TPSG1: variants seen among roughly 807,000 people sequenced by gnomAD.
The protein encoded by TPSG1 is tryptase gamma.
In TPSG1, 43 loss-of-function variants were observed where a neutral mutation model predicts 23.8. That is an observed-to-expected ratio of 1.81 (90% confidence interval 1.42 to 2.33). The LOEUF (loss-of-function observed/expected upper bound fraction) is 2.33. Ranked by LOEUF, TPSG1 falls within the 30% of genes most tolerant of loss-of-function variation. The probability of loss-of-function intolerance (pLI) is 0.00; values close to 1 mark genes in which losing one functional copy is unlikely to be tolerated. For missense variants in TPSG1, 623 were observed against 438.6 expected (o/e 1.42, Z -3.75); for synonymous variants, 302 against 201.3 (o/e 1.50, Z -4.23).
At chr16:1,223,807 C>T (rs1377028843) in intron 2 of TPSG1, 1 of 571,236 alleles carries the variant, frequency 1.8e-6, no homozygotes, top group Non-Finnish European at 3.0e-6. Context: ...GTCGTCCTTT[C>T]TAAGCACCAT....
Position 1,225,086 on chromosome 16 carries a change from C to T in TPSG1, c.46+121G>A, listed in dbSNP as rs1453645128. 1.1e-5 allele frequency: 15 copies of T among 1,313,568 alleles called. No individual in the cohort carries two copies. In the Admixed American group the frequency reaches 2.7e-4, roughly 24 times the overall value. The allele number at this position is 1,313,568 out of a possible 1,614,324, so 81.4% of individuals were successfully genotyped here. On this transcript the variant is annotated intron_variant, in intron 1 of 5. Coordinates refer to ENST00000234798, the MANE Select transcript of TPSG1 (RefSeq NM_012467.4). ...GTCTCTTCAGAGGAGACACGGGGCCCCACAGGGTGGGGACTCAGCATGTTT... is the reference window on the plus strand; with the variant it reads ...GTCTCTTCAGAGGAGACACGGGGCCTCACAGGGTGGGGACTCAGCATGTTT...
At chr16:1,224,515 A>G (rs1200980413) in intron 2 of TPSG1, 87 bp downstream of exon 2, 1 of 1,552,584 alleles carries the variant, frequency 6.4e-7, no homozygotes, top group African/African-American at 1.4e-5. Context: ...CCCCATTGGG[A>G]CCCCAGGGAA....
In TPSG1 at chr16:1,222,817, G is replaced by A. The variant is rs1261909205; in HGVS notation, c.346C>T (p.Pro116Ser). 4 of 1,611,968 alleles carry A rather than the reference G, an allele frequency of 2.5e-6. No homozygotes were observed. Among genetic ancestry groups the A allele is most frequent in the Non-Finnish European group, 3.4e-6 (4 of 1,179,764 alleles). The change falls in exon 4 of 6, where the codon CCC becomes TCC. Residue 116 changes from proline (P) to serine (S), a missense_variant. By Grantham distance (74) the Pro-to-Ser change is moderately conservative. Coordinates refer to ENST00000234798, the MANE Select transcript of TPSG1 (RefSeq NM_012467.4). ...TVRQIILHSS[P>S]SGQPGTSGDI... ...CCGCTGGTCCCCGGCTGTCCTGAGGGGCTGGAGTGCAGGATGATCTGCCTC... is the reference window on the plus strand; with the variant it reads ...CCGCTGGTCCCCGGCTGTCCTGAGGAGCTGGAGTGCAGGATGATCTGCCTC...
At chr16:1,222,372 G>A in intron 4 of TPSG1, 31 bp from the exon 5 acceptor site, 18 of 1,553,516 alleles carry the variant, frequency 1.2e-5, no homozygotes, top group Non-Finnish European at 1.6e-5. Context: ...TTCAGAGAAG[G>A]TTGGGGCACC....
intron 1 of TPSG1, 89 bp from the exon 2 acceptor site, chr16:1,224,717 G>C: frequency 1.3e-6 from 2 of 1,556,954 alleles, no homozygotes; most frequent in Non-Finnish European, 8.8e-7. Flanking sequence ...GCCTCAGGGC[G>C]GCACTGGGGT....
At position 1,221,793 on chromosome 16, in the gene TPSG1, C is replaced by A; in HGVS notation, c.961G>T (p.Asp321Tyr). ...SADGTPFPAP[D>Y] ...ATGCACTTGGATTCCTGCCATCAGT[C>A]AGGGGCGGGGAAGGGAGTACCATCC... Residue 321 changes from aspartate (D) to tyrosine (Y), a missense_variant, in exon 6 of 6, where the codon GAC (aspartate) becomes TAC (tyrosine). Transcript: ENST00000234798. 6.2e-7 allele frequency: 1 copy of A among 1,601,120 alleles called. No homozygotes were observed. The highest frequency in any genetic ancestry group is 8.5e-7 in the Non-Finnish European group (1 of 1,172,600).
intron 4 of TPSG1, 64 bp from the exon 5 acceptor site, chr16:1,222,405 G>A (rs1567564765): frequency 1.4e-6 from 2 of 1,424,556 alleles, no homozygotes; most frequent in African/African-American, 1.4e-5. Context: ...GGGGGGATGG[G>A]AGACCTTGCC....
chr16:1,222,946 G>A, intron 3 of TPSG1, 29 bp from the exon 4 acceptor site: 8 of 1,573,296 alleles, frequency 5.1e-6, no homozygotes, highest in South Asian at 1.2e-5. Context: ...GGGTGAGAGG[G>A]GCCAGCTGCG....
rs964180888 is a variant in TPSG1 at position 1,223,040 on chromosome 16, C to T, written c.246-123G>A. On this transcript the variant is annotated intron_variant, in intron 3 of 5. Transcript: ENST00000234798. ...CAGCTCTTCCCTCCTAGGCTTGGGACGCAGAAAGCCTGGGCAGTGGCCTCA... is the reference window on the plus strand; with the variant it reads ...CAGCTCTTCCCTCCTAGGCTTGGGATGCAGAAAGCCTGGGCAGTGGCCTCA... 3.3e-5 allele frequency: 42 copies of T among 1,267,342 alleles called. No homozygotes were observed. In the Admixed American group the frequency reaches 3.8e-4, roughly 12 times the overall value. 78.5% of individuals were successfully genotyped at this position (1,267,342 alleles called of 1,614,324 possible).
Position 1,221,868 on chromosome 16 carries a change from G to A in TPSG1, c.886C>T (p.Leu296=), listed in dbSNP as rs777373191. Residue 296 remains leucine, a synonymous_variant, in exon 6 of 6, where the codon CTG becomes TTG. Transcript: ENST00000234798. The part of the protein sequence containing the change: ...AGFFLPGLFL[L]LVSCVLLAKC... The stretch of plus-strand genomic sequence containing the variant: ...GCCAGCAGGACACAGGAGACTAGCA[G>A]AAGGAAGAGGCCGGGGAGGAAGAAG... The A allele has an allele frequency of 1.4e-5, 22 of 1,611,924 alleles. No homozygotes were observed. Among genetic ancestry groups the A allele is most frequent in the Non-Finnish European group, 1.9e-5 (22 of 1,179,544 alleles).
rs75256326 is a variant in TPSG1, at chr16:1,223,849, G to T, written c.74-255C>A. On this transcript the variant is annotated intron_variant, in intron 2 of 5. Transcript: ENST00000234798. ...CAAACTAACCAGGGCTCCCGGAGGCGGTGGAAAGGCTGCAGAGGGCCCCTA... is the reference window on the plus strand; with the variant it reads ...CAAACTAACCAGGGCTCCCGGAGGCTGTGGAAAGGCTGCAGAGGGCCCCTA... 3.3e-4 allele frequency: 172 copies of T among 518,482 alleles called. No homozygotes were observed. In the East Asian group the frequency reaches 4.8e-3, roughly 15 times the overall value. The allele number at this position is 518,482 out of a possible 1,614,324, so 32.1% of individuals were successfully genotyped here.
rs758441417 is a variant in TPSG1 at position 1,223,517 on chromosome 16, A to G, written c.151T>C (p.Trp51Arg). The change falls in exon 3 of 6, where the codon TGG (tryptophan) becomes CGG (arginine). Residue 51 changes from tryptophan (W) to arginine (R), a missense_variant. Transcript: ENST00000234798. Reference sequence around the variant, plus strand: ...CTCCGCAGGCGGAGGCTGGCCTGCCATGGCCATGCGCCGGCCGGGGCAGCG... The same window carrying G: ...CTCCGCAGGCGGAGGCTGGCCTGCCGTGGCCATGCGCCGGCCGGGGCAGCG... The part of the protein sequence containing the change: ...GHAAPAGAWP[W>R]QASLRLRRVH... 1.3e-5 allele frequency: 20 copies of G among 1,559,354 alleles called. 1 individual carries two copies. The highest frequency in any genetic ancestry group is 1.1e-4 in the African/African-American group (8 of 73,962).
chr16:1,224,463 T>C lies in TPSG1; in HGVS notation c.73+139A>G. ...CGACCAGCCCCACTCAACCGAGAGA[T>C]GCGAGCAGAAACCACGGCGACAAAC... On this transcript the variant is annotated intron_variant, in intron 2 of 5. Coordinates refer to ENST00000234798, the MANE Select transcript of TPSG1 (RefSeq NM_012467.4). The C allele has an allele frequency of 2.8e-6, 3 of 1,076,954 alleles. No homozygotes were observed. In the South Asian group the frequency reaches 4.4e-5, roughly 16 times the overall value. The allele number at this position is 1,076,954 out of a possible 1,614,324, so 66.7% of individuals were successfully genotyped here.
Position 1,222,229 on chromosome 16 carries a change from C to T in TPSG1, c.624G>A (p.Met208Ile), listed in dbSNP as rs761380016. 12 of 1,612,062 alleles carry T rather than the reference C, an allele frequency of 7.4e-6. No homozygotes were observed. Among genetic ancestry groups the T allele is most frequent in the South Asian group, 2.2e-5 (2 of 91,040 alleles). ...GPGGSILQPD[M>I]LCARGPGDAC... is the part of the protein sequence containing the mutation. ...CATCCCCGGGGCCCCGGGCACACAG[C>T]ATGTCGGGCTGAAGGATGCTGCCCC... The change falls in exon 5 of 6, where the codon ATG becomes ATA. Residue 208 changes from methionine (M) to isoleucine (I), a missense_variant. Transcript: ENST00000234798.
chr16:1,223,293 C>G, intron 3 of TPSG1, 130 bp downstream of exon 3: 1 of 1,231,216 alleles, frequency 8.1e-7, no homozygotes, highest in South Asian at 1.6e-5. Flanking sequence ...CCTCCCTTTC[C>G]ATTGGAAGGA....
Position 1,221,784 on chromosome 16 carries a change from G to T in TPSG1, c.*4C>A. ...ATTTAAGAAATGCACTTGGATTCCT[G>T]CCATCAGTCAGGGGCGGGGAAGGGA... On this transcript the variant is annotated 3_prime_UTR_variant, in exon 6 of 6. Coordinates refer to ENST00000234798, the MANE Select transcript of TPSG1 (RefSeq NM_012467.4). The T allele has an allele frequency of 6.3e-7, 1 of 1,594,244 alleles. No individual in the cohort carries two copies. Among genetic ancestry groups the T allele is most frequent in the South Asian group, 1.1e-5 (1 of 89,040 alleles).
At chr16:1,222,993 A>C (rs1567565686) in intron 3 of TPSG1, 76 bp from the exon 4 acceptor site, 1 of 1,461,364 alleles carries the variant, frequency 6.8e-7, no homozygotes, top group East Asian at 2.4e-5. Flanking sequence ...CCCAGACCCT[A>C]CCCTTGCAGG....
chr16:1,224,943 TCCCA>T lies in TPSG1; in HGVS notation c.46+260_46+263del, dbSNP rs953386930. Among the ~76,000 whole-genome samples the T allele has an allele frequency of 7.4e-5, 11 of 148,634 alleles. No homozygotes were observed. In the Middle Eastern group the frequency reaches 0.014, roughly 188 times the overall value. ...GCCTGGGACTCCTGGCACCCCCAAC[TCCCA>T]CCCGCACCCCCAACTACCACCCGCC... On this transcript the variant is annotated intron_variant, in intron 1 of 5. Transcript: ENST00000234798.
chr16:1,224,737 T>G, intron 1 of TPSG1, 109 bp from the exon 2 acceptor site: 2 of 1,427,880 alleles, frequency 1.4e-6, no homozygotes, highest in South Asian at 2.3e-5. Flanking sequence ...TGGGGCCTGG[T>G]CCTGAGCAGA....
Sources: allele counts gnomAD v4.1 joint callset (sites outside exome capture counted in the v4.1 genomes callset), GRCh38; gene constraint gnomAD v4.1.1; transcripts MANE v1.5; gene names NCBI Gene and HGNC (gene_info 2026-07-23, HGNC 2026-07-21).